The following ZNF804B variants were observed in gnomAD, a reference collection of about 807,000 sequenced individuals.
ZNF804B encodes the protein zinc finger 804B.
ZNF804B carries 80 observed loss-of-function variants against 101.4 expected under a neutral mutation model. The ratio of observed to expected loss-of-function variants is 0.79; its 90% confidence interval spans 0.66 to 0.95. The LOEUF is 0.95. ZNF804B is among the 40% of genes least tolerant of loss of function. The probability of loss-of-function intolerance (pLI) is 0.00; values close to 1 mark genes in which losing one functional copy is unlikely to be tolerated. For missense variants in ZNF804B, 1,673 were observed against 1,561.9 expected, an observed-to-expected ratio of 1.07 and a Z score of -1.20; for synonymous variants, 622 against 558.8, an observed-to-expected ratio of 1.11 and a Z score of -1.59.
At chr7:89,194,789 G>GCTTCCTTTT (rs1788519483) in intron 1 of ZNF804B, among the ~76,000 whole-genome samples, 4 of 149,456 alleles carry the variant, frequency 2.7e-5, no homozygotes, top group African/African-American at 9.9e-5. Context: ...TTGACTTGGC[G>GCTTCCTTTT]ATGCGGGCTC....
rs557104041 is a variant in ZNF804B, at chr7:89,284,938, C to T, written c.250-42406C>T. The stretch of plus-strand genomic sequence containing the variant: ...TGGAGGCAGGGCATGGCAGCTCATA[C>T]CTGTAATCTCAGCACTTTGAGAGGC... On this transcript the variant is annotated intron_variant, in intron 2 of 3. Transcript: ENST00000333190. 1.3e-4 allele frequency among the ~76,000 whole-genome samples: 20 copies of T among 152,130 alleles called. No homozygotes were observed. The South Asian group carries it at 3.5e-3, about 27-fold the overall frequency.
chr7:88,845,766 T>C (rs552509735), intron 1 of ZNF804B, among the ~76,000 whole-genome samples: 6 of 152,196 alleles, frequency 3.9e-5, no homozygotes, highest in Non-Finnish European at 7.3e-5. Context: ...ACAAGAACTT[T>C]CCAGTTTGCA....
intron 1 of ZNF804B, among the ~76,000 whole-genome samples, chr7:89,071,434 A>G (rs1789537317): frequency 6.6e-6 from 1 of 152,218 alleles, no homozygotes; most frequent in Non-Finnish European, 1.5e-5. Flanking sequence ...TAATTAAGAA[A>G]GTCTTTACAG....
At chr7:89,007,446 T>TTATA (rs61374091) in intron 1 of ZNF804B, among the ~76,000 whole-genome samples, 3,853 of 56,934 alleles carry the variant, frequency 0.068, 174 homozygotes, top group African/African-American at 0.08. Flanking sequence ...ATCCATGATT[T>TTATA]TATATATATA....
At chr7:88,809,311 C>G (rs987518318) in intron 1 of ZNF804B, among the ~76,000 whole-genome samples, 11 of 9,362 alleles carry the variant, frequency 1.2e-3, no homozygotes, top group African/African-American at 7.1e-3. Flanking sequence ...TGTCATCTAT[C>G]TATCTATCTA....
At chr7:88,884,418 T>G (rs192126188) in intron 1 of ZNF804B, among the ~76,000 whole-genome samples, 1 of 151,920 alleles carries the variant, frequency 6.6e-6, no homozygotes, top group African/African-American at 2.4e-5. Context: ...TTTATTTTGC[T>G]TTATATCTAT....
intron 1 of ZNF804B, among the ~76,000 whole-genome samples, chr7:89,018,775 T>C (rs939528837): frequency 1.2e-4 from 19 of 152,056 alleles, no homozygotes; most frequent in African/African-American, 4.6e-4. Context: ...TTGTTCAATT[T>C]GTTGGATACA....
intron 1 of ZNF804B, among the ~76,000 whole-genome samples, chr7:89,018,045 G>A (rs1252070338): frequency 6.6e-6 from 1 of 152,014 alleles, no homozygotes; most frequent in Non-Finnish European, 1.5e-5. Flanking sequence ...AGGATTTTCA[G>A]TATTGTGTTT....
intron 1 of ZNF804B, among the ~76,000 whole-genome samples, chr7:89,148,395 A>G (rs1790821582): frequency 6.6e-6 from 1 of 152,096 alleles, no homozygotes; most frequent in Admixed American, 6.6e-5. Flanking sequence ...TAGCATACAG[A>G]TAGCAAATAA....
At chr7:89,206,585 C>G (rs1281659722) in intron 1 of ZNF804B, among the ~76,000 whole-genome samples, 1 of 152,052 alleles carries the variant, frequency 6.6e-6, no homozygotes, top group African/African-American at 2.4e-5. Context: ...AACCCTGTCT[C>G]TACTAAAAAT....
At chr7:89,058,661 T>G (rs1789332201) in intron 1 of ZNF804B, among the ~76,000 whole-genome samples, 1 of 152,074 alleles carries the variant, frequency 6.6e-6, no homozygotes, top group South Asian at 2.1e-4. Context: ...AAAGTCAAAT[T>G]TACCCCTCAG....
At chr7:89,087,241 G>A (rs995643810) in intron 1 of ZNF804B, among the ~76,000 whole-genome samples, 8 of 151,878 alleles carry the variant, frequency 5.3e-5, no homozygotes, top group Admixed American at 2.0e-4. Context: ...AAGACAAACA[G>A]TGATCATTTT....
intron 1 of ZNF804B, among the ~76,000 whole-genome samples, chr7:88,787,192 A>G (rs1586902041): frequency 6.6e-6 from 1 of 152,160 alleles, no homozygotes; most frequent in Non-Finnish European, 1.5e-5. Flanking sequence ...AGAGAAAACC[A>G]TAAGGTGAAT....
intron 1 of ZNF804B, among the ~76,000 whole-genome samples, chr7:88,893,467 C>A (rs1183360226): frequency 6.6e-6 from 1 of 151,854 alleles, no homozygotes; most frequent in Non-Finnish European, 1.5e-5. Flanking sequence ...CTGCCTGTCT[C>A]CTTTAAGATT....
intron 1 of ZNF804B, among the ~76,000 whole-genome samples, chr7:89,153,739 T>C (rs1276597836): frequency 1.3e-5 from 2 of 152,102 alleles, no homozygotes; most frequent in African/African-American, 4.8e-5. Context: ...TGCTTCTACT[T>C]GTATCTCTCC....
At position 89,328,746 on chromosome 7, in the gene ZNF804B, C is replaced by T. The variant is rs77085443; in HGVS notation, c.380+1272C>T. ...GTAAGTCAGATCATAACAAATGGTA[C>T]AAGTTCTAACATAGATATACGTCTT... On this transcript the variant is annotated intron_variant, in intron 3 of 3. Transcript: ENST00000333190. 5.4e-3 allele frequency among the ~76,000 whole-genome samples: 824 copies of T among 151,962 alleles called. 9 individuals carry two copies. Among genetic ancestry groups the T allele is most frequent in the African/African-American group, 0.019 (791 of 41,524 alleles).
intron 1 of ZNF804B, among the ~76,000 whole-genome samples, chr7:89,142,072 T>A (rs935257796): frequency 6.6e-6 from 1 of 151,730 alleles, no homozygotes; most frequent in African/African-American, 2.4e-5. Flanking sequence ...CAAGTGCCTT[T>A]AAAGATTTTT....
intron 1 of ZNF804B, among the ~76,000 whole-genome samples, chr7:88,890,582 G>C (rs1792200897): frequency 6.6e-6 from 1 of 152,138 alleles, no homozygotes; most frequent in African/African-American, 2.4e-5. Flanking sequence ...GAGTTTGGTA[G>C]ATTTCTGTGC....
chr7:88,862,094 G>T (rs1526253), intron 1 of ZNF804B, among the ~76,000 whole-genome samples: 13,234 of 152,142 alleles, frequency 0.087, 828 homozygotes, highest in African/African-American at 0.17. Context: ...ACTAAATAAC[G>T]TACTCAGTTT....
Sources: allele counts gnomAD v4.1 joint callset (sites outside exome capture counted in the v4.1 genomes callset), GRCh38; gene constraint gnomAD v4.1.1; transcripts MANE v1.5; gene names NCBI Gene and HGNC (gene_info 2026-07-23, HGNC 2026-07-21).